The following P4HA2 variants were observed in gnomAD, a reference collection of about 807,000 sequenced individuals.
P4HA2 encodes the protein prolyl 4-hydroxylase subunit alpha 2.
P4HA2 carries 46 observed loss-of-function variants against 76.9 expected under a neutral mutation model. The ratio of observed to expected loss-of-function variants is 0.60; its 90% confidence interval spans 0.47 to 0.76. The LOEUF (loss-of-function observed/expected upper bound fraction) is 0.76. Among genes scored for constraint, P4HA2 ranks in the 30% least tolerant of loss-of-function variants. P4HA2 has a pLI of 0.00. For missense variants in P4HA2, 583 were observed against 669.4 expected, an observed-to-expected ratio of 0.87 and a Z score of 1.42; for synonymous variants, 243 against 254.0, an observed-to-expected ratio of 0.96 and a Z score of 0.41.
chr5:132,215,877 A>G (rs1278927655), intron 4 of P4HA2, among the ~76,000 whole-genome samples: 2 of 126,194 alleles, frequency 1.6e-5, no homozygotes, highest in African/African-American at 6.1e-5. Context: ...AAAAAAAAAA[A>G]GGCAGCGGGC....
At chr5:132,216,923 T>C (rs1025311032) in intron 4 of P4HA2, among the ~76,000 whole-genome samples, 1 of 152,018 alleles carries the variant, frequency 6.6e-6, no homozygotes, top group African/African-American at 2.4e-5. Context: ...TAAAGTATAA[T>C]TGGAAAAATG....
At chr5:132,193,129 G>T in intron 14 of P4HA2, 49 bp from the exon 15 acceptor site, 1 of 1,314,868 alleles carries the variant, frequency 7.6e-7, no homozygotes, top group Non-Finnish European at 1.1e-6. Context: ...CAGTTTAGTA[G>T]CCTGAATGAA....
intron 5 of P4HA2, among the ~76,000 whole-genome samples, chr5:132,213,340 C>T (rs567788559): frequency 5.9e-5 from 9 of 152,086 alleles, no homozygotes; most frequent in East Asian, 5.8e-4. Context: ...GGAAAATGGA[C>T]AGAGTGTAGA....
chr5:132,210,432 C>A lies in P4HA2; in HGVS notation c.561G>T (p.Leu187Phe), dbSNP rs199749218. Reference protein sequence around the residue: ...YNEGDYYHTVLWMEQVLKQLD... With the variant: ...YNEGDYYHTVFWMEQVLKQLD... ...GCTGCTTTAGCACCTGCTCCATCCA[C>A]AACACCGTATGATAATAGTCCCCTT... Residue 187 changes from leucine to phenylalanine, a missense_variant, in exon 6 of 15, where the codon TTG becomes TTT. Transcript: ENST00000360568. 1.2e-6 allele frequency: 2 copies of A among 1,614,174 alleles called. No homozygotes were observed. Among genetic ancestry groups the A allele is most frequent in the South Asian group, 2.2e-5 (2 of 91,080 alleles).
In P4HA2 at chr5:132,190,187, A is replaced by T. The variant is rs1415536948; in HGVS notation, c.*2823T>A. 6.6e-6 allele frequency among the ~76,000 whole-genome samples: 1 copy of T among 152,252 alleles called. No individual in the cohort carries two copies. Among genetic ancestry groups the T allele is most frequent in the Non-Finnish European group, 1.5e-5 (1 of 68,044 alleles). ...TTTAATTTTCCACAATTGATTAAGG[A>T]TACCATTGTACAAATTCAAGAATCC... is the stretch of plus-strand genomic sequence containing the variant. On this transcript the variant is annotated 3_prime_UTR_variant, in exon 15 of 15. Coordinates refer to ENST00000360568, the MANE Select transcript of P4HA2 (RefSeq NM_001017974.2).
chr5:132,193,263 T>C (rs1750119981), intron 14 of P4HA2, 183 bp from the exon 15 acceptor site: 1 of 556,068 alleles, frequency 1.8e-6, no homozygotes, highest in Non-Finnish European at 3.2e-6. Context: ...CAGATAATTG[T>C]ATGAAATTCT....
intron 6 of P4HA2, among the ~76,000 whole-genome samples, chr5:132,209,902 T>C (rs962919117): frequency 6.6e-6 from 1 of 151,990 alleles, no homozygotes; most frequent in Non-Finnish European, 1.5e-5. Context: ...AGGCCTCTAA[T>C]AGCACCGCTA....
In P4HA2 at chr5:132,194,967, G is replaced by A. The variant is rs1580637894; in HGVS notation, c.1490C>T (p.Thr497Ile). ...AAGCACAGGGCAGGCAGCATGTCTT[G>A]TTCGGTAGTCACCTTCCCCGCTCCG... ...LLRSGEGDYR[T>I]RHAACPVLVG... Residue 497 changes from threonine to isoleucine, a missense_variant, in exon 14 of 15, where the codon ACA becomes ATA. Thr to Ile is a moderately conservative substitution (Grantham distance 89). Transcript: ENST00000360568. 1.2e-6 allele frequency: 2 copies of A among 1,613,896 alleles called. No individual in the cohort carries two copies. Among genetic ancestry groups the A allele is most frequent in the Non-Finnish European group, 1.7e-6 (2 of 1,179,768 alleles).
intron 1 of P4HA2, among the ~76,000 whole-genome samples, chr5:132,224,716 G>A (rs994373542): frequency 4.3e-5 from 3 of 70,552 alleles, no homozygotes; most frequent in East Asian, 1.4e-3. Context: ...AGCAAAAGGC[G>A]GGGGATTGGA....
rs1352685209 is a variant in P4HA2 at position 132,227,782 on chromosome 5, G to A, written c.-19+8C>T. ...TTGATCTGGCGGCTGAGCGGGCGGG[G>A]CGCTCACCTGGACACTCGCAGCTCC... On this transcript the variant is annotated splice_region_variant and intron_variant, in intron 1 of 14. Transcript: ENST00000360568. 1 of 152,262 alleles carries A rather than the reference G, an allele frequency of 6.6e-6. No homozygotes were observed. The highest frequency in any genetic ancestry group is 1.9e-4 in the East Asian group (1 of 5,192). The allele number at this position is 152,262 out of a possible 1,614,324, so 9.4% of individuals were successfully genotyped here.
Position 132,194,815 on chromosome 5 carries a change from G to A in P4HA2, c.1531+111C>T, listed in dbSNP as rs1010565919. On this transcript the variant is annotated intron_variant, in intron 14 of 14. Coordinates refer to ENST00000360568, the MANE Select transcript of P4HA2 (RefSeq NM_001017974.2). ...CAGCAGAAAAAAACCTAAGAAGGGAGACAGTCTCAGCAAATTTGGCAGCAG... is the reference window on the plus strand; with the variant it reads ...CAGCAGAAAAAAACCTAAGAAGGGAAACAGTCTCAGCAAATTTGGCAGCAG... 4.0e-6 allele frequency: 3 copies of A among 756,750 alleles called. No homozygotes were observed. In the African/African-American group the frequency reaches 5.1e-5, roughly 13 times the overall value. 46.9% of individuals were successfully genotyped at this position (756,750 alleles called of 1,614,324 possible).
At chr5:132,206,006 C>T (rs1752158067) in intron 8 of P4HA2, among the ~76,000 whole-genome samples, 1 of 152,136 alleles carries the variant, frequency 6.6e-6, no homozygotes, top group Non-Finnish European at 1.5e-5. Flanking sequence ...TAGCATCTGT[C>T]CCTCACAGTC....
chr5:132,193,062 T>G lies in P4HA2; in HGVS notation c.1550A>C (p.His517Pro), dbSNP rs757599113. Residue 517 changes from histidine (H) to proline (P), a missense_variant, in exon 15 of 15, where the codon CAT (histidine) becomes CCT (proline). Transcript: ENST00000360568. The stretch of plus-strand genomic sequence containing the variant: ...TCTCAAGAACTCCTGTCCTCGTTCA[T>G]GGAACCACTTATTGGAGACTGTGAA... ...GCKWVSNKWF[H>P]ERGQEFLRPC... 1 of 1,612,692 alleles carries G rather than the reference T, an allele frequency of 6.2e-7. No individual in the cohort carries two copies. Among genetic ancestry groups the G allele is most frequent in the Non-Finnish European group, 8.5e-7 (1 of 1,178,636 alleles).
intron 8 of P4HA2, among the ~76,000 whole-genome samples, chr5:132,206,140 T>C (rs75189): frequency 0.61 from 92,465 of 151,908 alleles, 28,394 homozygotes; most frequent in Non-Finnish European, 0.64. Flanking sequence ...AACACTACCC[T>C]CTGGCCAGCC....
chr5:132,203,669 C>T, intron 10 of P4HA2, 79 bp downstream of exon 10: 1 of 874,256 alleles, frequency 1.1e-6, no homozygotes, highest in African/African-American at 1.7e-5. Context: ...CCTCTTGGCC[C>T]AGTTCTGGAC....
At chr5:132,212,379 A>G (rs1561486023) in intron 5 of P4HA2, among the ~76,000 whole-genome samples, 1 of 152,168 alleles carries the variant, frequency 6.6e-6, no homozygotes, top group Non-Finnish European at 1.5e-5. Context: ...AAATTGAGAA[A>G]AAAGTAGCTG....
chr5:132,207,584 T>C lies in P4HA2; in HGVS notation c.1080+124A>G, dbSNP rs937532193. The C allele has an allele frequency of 4.1e-6, 3 of 728,900 alleles. No homozygotes were observed. The African/African-American group carries it at 5.3e-5, about 13-fold the overall frequency. The allele number at this position is 728,900 out of a possible 1,614,324, so 45.2% of individuals were successfully genotyped here. The stretch of plus-strand genomic sequence containing the variant: ...CTGAAGCATCTCTGTATCCCCACGG[T>C]AGGCCCATGCTAGATATGGATAAAG... On this transcript the variant is annotated intron_variant, in intron 8 of 14. Coordinates refer to ENST00000360568, the MANE Select transcript of P4HA2 (RefSeq NM_001017974.2).
intron 12 of P4HA2, 46 bp from the exon 13 acceptor site, chr5:132,195,526 C>A: frequency 7.0e-7 from 1 of 1,422,860 alleles, no homozygotes; most frequent in South Asian, 1.1e-5. Flanking sequence ...CCAAGGCTCT[C>A]AGAGCAATTG....
chr5:132,222,995 T>G (rs560177456), intron 1 of P4HA2, among the ~76,000 whole-genome samples: 2 of 152,234 alleles, frequency 1.3e-5, no homozygotes, highest in African/African-American at 4.8e-5. Flanking sequence ...ACCACTATAT[T>G]GGATGCATCT....
Sources: allele counts gnomAD v4.1 joint callset (sites outside exome capture counted in the v4.1 genomes callset), GRCh38; gene constraint gnomAD v4.1.1; transcripts MANE v1.5; gene names NCBI Gene and HGNC (gene_info 2026-07-23, HGNC 2026-07-21).